TSHZ2: variants seen among roughly 807,000 people sequenced by gnomAD.
TSHZ2 encodes the protein teashirt homolog 2.
Under a neutral mutation model 74.4 loss-of-function variants are expected in TSHZ2, and 21 were observed. That is an observed-to-expected ratio of 0.28 (90% CI 0.20 to 0.41). TSHZ2 has a LOEUF of 0.41. Ranked by LOEUF, TSHZ2 falls within the 10% of genes least tolerant of loss-of-function variation. The probability of loss-of-function intolerance (pLI) is 1.00; values close to 1 mark genes in which losing one functional copy is unlikely to be tolerated. For synonymous variants in TSHZ2, 540 were observed against 515.3 expected, an observed-to-expected ratio of 1.05 and a Z score of -0.65; for missense variants, 1,244 against 1,293.5, an observed-to-expected ratio of 0.96 and a Z score of 0.59.
chr20:53,457,515 T>C (rs565804278), intron 2 of TSHZ2, among the ~76,000 whole-genome samples: 1 of 128,110 alleles, frequency 7.8e-6, no homozygotes, highest in East Asian at 2.3e-4. Context: ...CAGGGACAAT[T>C]TGACTTCCTC....
At chr20:53,281,897 G>C (rs1041044699) in intron 2 of TSHZ2, among the ~76,000 whole-genome samples, 11 of 152,210 alleles carry the variant, frequency 7.2e-5, no homozygotes, top group African/African-American at 2.7e-4. Flanking sequence ...ATAGCCAGGG[G>C]TACACACTTG....
At chr20:53,324,159 C>T (rs1979398422) in intron 2 of TSHZ2, among the ~76,000 whole-genome samples, 1 of 152,120 alleles carries the variant, frequency 6.6e-6, no homozygotes, top group African/African-American at 2.4e-5. Context: ...AGAATGCCTC[C>T]ACTCACAGGA....
chr20:53,054,015 A>G (rs1170866676), intron 1 of TSHZ2, among the ~76,000 whole-genome samples: 1 of 152,186 alleles, frequency 6.6e-6, no homozygotes, highest in Non-Finnish European at 1.5e-5. Context: ...GCCAGATTAA[A>G]AGATCCTTAG....
At chr20:53,324,826 A>G (rs1468802080) in intron 2 of TSHZ2, among the ~76,000 whole-genome samples, 1 of 152,190 alleles carries the variant, frequency 6.6e-6, no homozygotes, top group Non-Finnish European at 1.5e-5. Flanking sequence ...TTAGATCAAG[A>G]GCACCCGGGA....
chr20:53,045,519 T>G (rs1984196065), intron 1 of TSHZ2, among the ~76,000 whole-genome samples: 1 of 152,204 alleles, frequency 6.6e-6, no homozygotes, highest in Non-Finnish European at 1.5e-5. Context: ...GTGACTCCGT[T>G]TAGACGAGAC....
intron 1 of TSHZ2, among the ~76,000 whole-genome samples, chr20:53,154,685 A>G (rs780764428): frequency 1.3e-5 from 2 of 152,188 alleles, no homozygotes; most frequent in Non-Finnish European, 2.9e-5. Flanking sequence ...GCTGGGCTTG[A>G]GTCACACACT....
At chr20:53,270,608 C>G (rs999929910) in intron 2 of TSHZ2, among the ~76,000 whole-genome samples, 1 of 152,058 alleles carries the variant, frequency 6.6e-6, no homozygotes, top group African/African-American at 2.4e-5. Flanking sequence ...GCATAGTACA[C>G]CAAAGCGTGA....
intron 1 of TSHZ2, among the ~76,000 whole-genome samples, chr20:53,107,076 G>T (rs564562018): frequency 2.0e-4 from 30 of 152,234 alleles, no homozygotes; most frequent in African/African-American, 7.0e-4. Flanking sequence ...TTTAGGCCCA[G>T]TTCACTGTAG....
chr20:53,073,029 C>A (rs1159039764), intron 1 of TSHZ2, among the ~76,000 whole-genome samples: 3 of 142,188 alleles, frequency 2.1e-5, no homozygotes, highest in Non-Finnish European at 3.1e-5. Flanking sequence ...CTCCATCCAT[C>A]CCTTCCTCCA....
chr20:53,126,429 A>G (rs780393448), intron 1 of TSHZ2, among the ~76,000 whole-genome samples: 10 of 152,228 alleles, frequency 6.6e-5, no homozygotes, highest in African/African-American at 9.6e-5. Flanking sequence ...AAAAATAGCT[A>G]TTGTCACAGG....
At chr20:53,361,327 C>T (rs1360721059) in intron 2 of TSHZ2, among the ~76,000 whole-genome samples, 1 of 152,192 alleles carries the variant, frequency 6.6e-6, no homozygotes, top group African/African-American at 2.4e-5. Flanking sequence ...TTCCTCAGGC[C>T]TGCAACATAA....
At chr20:53,175,131 CTTTTT>C (rs750453219) in intron 1 of TSHZ2, among the ~76,000 whole-genome samples, 2,660 of 63,550 alleles carry the variant, frequency 0.042, 54 homozygotes, top group Non-Finnish European at 0.057. Flanking sequence ...CTTCTTCTTT[CTTTTT>C]TTTTTTTTTT....
At chr20:53,201,208 C>T (rs1721419317) in intron 1 of TSHZ2, among the ~76,000 whole-genome samples, 1 of 152,114 alleles carries the variant, frequency 6.6e-6, no homozygotes. Flanking sequence ...TGATATAACA[C>T]ATTATCACAA....
chr20:53,143,204 C>G (rs1987451787), intron 1 of TSHZ2, among the ~76,000 whole-genome samples: 1 of 152,218 alleles, frequency 6.6e-6, no homozygotes, highest in Admixed American at 6.5e-5. Flanking sequence ...CAGACCCCGA[C>G]AGGCTTCTAC....
At chr20:53,216,986 C>T (rs138627254) in intron 1 of TSHZ2, among the ~76,000 whole-genome samples, 153 of 152,232 alleles carry the variant, frequency 1.0e-3, no homozygotes, top group African/African-American at 3.6e-3. Flanking sequence ...CCAAAGAGGC[C>T]GTGTCTTTCT....
chr20:53,316,323 T>A (rs540987785), intron 2 of TSHZ2, among the ~76,000 whole-genome samples: 2 of 152,178 alleles, frequency 1.3e-5, no homozygotes, highest in Admixed American at 1.3e-4. Context: ...AGCACAAAGA[T>A]GAATAATAAC....
intron 1 of TSHZ2, among the ~76,000 whole-genome samples, chr20:53,051,865 C>T (rs1054525440): frequency 2.0e-5 from 3 of 152,276 alleles, no homozygotes; most frequent in African/African-American, 7.2e-5. Flanking sequence ...TAGAACGGAC[C>T]TTTGCAGGAG....
chr20:53,309,714 C>T (rs781010643), intron 2 of TSHZ2, among the ~76,000 whole-genome samples: 15 of 152,206 alleles, frequency 9.9e-5, no homozygotes, highest in Non-Finnish European at 2.1e-4. Flanking sequence ...TTGCAACACA[C>T]GTCTGTCAGC....
At chr20:53,343,531 G>T (rs1325406259) in intron 2 of TSHZ2, among the ~76,000 whole-genome samples, 1 of 152,162 alleles carries the variant, frequency 6.6e-6, no homozygotes, top group Non-Finnish European at 1.5e-5. Context: ...AACCTCTCCA[G>T]CAGGGTTTGT....
Sources: gnomAD v4.1 joint callset for allele counts (sites outside exome capture counted in the v4.1 genomes callset) on GRCh38, gnomAD v4.1.1 for gene constraint, MANE v1.5 for transcripts, NCBI Gene and HGNC (gene_info 2026-07-23, HGNC 2026-07-21) for gene names.